The following ARAP2 variants were observed in gnomAD, a reference collection of about 807,000 sequenced individuals.
The protein encoded by ARAP2 is ArfGAP with RhoGAP domain, ankyrin repeat and PH domain 2.
In ARAP2, 148 loss-of-function variants were observed where a neutral mutation model predicts 194.5. That is an observed-to-expected ratio of 0.76 (90% CI 0.67 to 0.87). The LOEUF is 0.87. Among genes scored for constraint, ARAP2 ranks in the 40% least tolerant of loss-of-function variants. ARAP2 has a pLI of 0.00. For synonymous variants in ARAP2, 695 were observed against 683.5 expected (o/e 1.02, Z -0.26); for missense variants, 2,128 against 1,989.7 (o/e 1.07, Z -1.32).
intron 22 of ARAP2, among the ~76,000 whole-genome samples, chr4:36,121,588 T>A (rs1407823897): frequency 1.3e-5 from 2 of 151,764 alleles, no homozygotes; most frequent in African/African-American, 2.4e-5. Flanking sequence ...GGGCTGACCA[T>A]ATTCAAACAA....
intron 6 of ARAP2, among the ~76,000 whole-genome samples, chr4:36,194,184 T>C (rs987960051): frequency 3.3e-5 from 5 of 152,132 alleles, no homozygotes; most frequent in Non-Finnish European, 1.5e-5. Context: ...CAGTGAAAGA[T>C]TAGTATATTT....
At position 36,119,673 on chromosome 4, in the gene ARAP2, T is replaced by G; in HGVS notation, c.3940A>C (p.Ile1314Leu). Residue 1314 changes from isoleucine (I) to leucine (L), a missense_variant, in exon 24 of 33, where the codon ATT (isoleucine) becomes CTT (leucine). Ile to Leu is a conservative substitution (Grantham distance 5). Transcript: ENST00000303965. ...ACTTGGGTGTCTTTCCACTTGGTAA[T>G]AAAGCTATTTTCTATGTCCATTTGT... is the stretch of plus-strand genomic sequence containing the variant. ...VKQMDIENSF[I>L]TKWKDTQVSQ... 1 of 1,604,386 alleles carries G rather than the reference T, an allele frequency of 6.2e-7. No homozygotes were observed. Among genetic ancestry groups the G allele is most frequent in the Non-Finnish European group, 8.5e-7 (1 of 1,172,748 alleles).
At chr4:36,082,820 T>C (rs1729876932) in intron 29 of ARAP2, among the ~76,000 whole-genome samples, 1 of 152,138 alleles carries the variant, frequency 6.6e-6, no homozygotes, top group African/African-American at 2.4e-5. Context: ...AATCAAATGC[T>C]GGGGTACATG....
intron 27 of ARAP2, among the ~76,000 whole-genome samples, chr4:36,097,297 T>G (rs1287253249): frequency 1.3e-5 from 2 of 151,912 alleles, no homozygotes; most frequent in Non-Finnish European, 2.9e-5. Flanking sequence ...CAAAAAAAAC[T>G]TTGAAATATG....
At chr4:36,158,929 A>C (rs924612038) in intron 14 of ARAP2, 65 bp from the exon 15 acceptor site, 1 of 1,456,228 alleles carries the variant, frequency 6.9e-7, no homozygotes, top group Non-Finnish European at 9.3e-7. Context: ...TTTTGTTTAT[A>C]ATATGTACAT....
Position 36,187,498 on chromosome 4 carries a change from T to C in ARAP2, c.1631A>G (p.Glu544Gly). Reference protein sequence around the residue: ...TVRVQGDNKFEVVTTQRTFVF... With the variant: ...TVRVQGDNKFGVVTTQRTFVF... ...AAAAGTTCTTTGTGTTGTAACAACT[T>C]CAAATTTGTTGTCTCCTTGAACTCG... The change falls in exon 8 of 33, where the codon GAA becomes GGA. Residue 544 changes from glutamate (E) to glycine (G), a missense_variant. Glu to Gly is a moderately conservative substitution (Grantham distance 98, BLOSUM62 -2). Coordinates refer to ENST00000303965, the MANE Select transcript of ARAP2 (RefSeq NM_015230.4). The C allele has an allele frequency of 6.5e-7, 1 of 1,535,366 alleles. No homozygotes were observed. Among genetic ancestry groups the C allele is most frequent in the South Asian group, 1.3e-5 (1 of 78,852 alleles).
intron 13 of ARAP2, 38 bp from the exon 14 acceptor site, chr4:36,159,543 A>G: frequency 7.0e-7 from 1 of 1,429,968 alleles, no homozygotes; most frequent in Non-Finnish European, 9.3e-7. Context: ...TAAGGAAAGA[A>G]AATAAGATTC....
intron 19 of ARAP2, among the ~76,000 whole-genome samples, chr4:36,136,783 ATGTGTGTG>A (rs772565955): frequency 7.0e-5 from 10 of 143,800 alleles, no homozygotes; most frequent in South Asian, 2.2e-4. Flanking sequence ...AATCAAATAT[ATGTGTGTG>A]TGTGTGTGTG....
chr4:36,063,505 C>T (rs142737868), downstream of ARAP2, among the ~76,000 whole-genome samples: 610 of 151,962 alleles, frequency 4.0e-3, 4 homozygotes, highest in African/African-American at 0.014. Flanking sequence ...GTGACCTGAC[C>T]ATGGACGAAG....
intron 6 of ARAP2, among the ~76,000 whole-genome samples, chr4:36,210,074 T>C (rs1468910143): frequency 6.6e-6 from 1 of 152,200 alleles, no homozygotes; most frequent in Non-Finnish European, 1.5e-5. Context: ...TTTTTCTTTG[T>C]TACATACTGG....
intron 5 of ARAP2, among the ~76,000 whole-genome samples, chr4:36,033,996 A>G (rs1719463074): frequency 6.6e-6 from 1 of 151,576 alleles, no homozygotes; most frequent in African/African-American, 2.4e-5. Flanking sequence ...ATTCTCTTCC[A>G]TTGGTCTATA....
At chr4:36,191,430 T>A (rs546122971) in intron 7 of ARAP2, among the ~76,000 whole-genome samples, 3 of 151,080 alleles carry the variant, frequency 2.0e-5, no homozygotes, top group Non-Finnish European at 4.4e-5. Context: ...AAAAAATAAT[T>A]CCCCAGAGGT....
chr4:36,014,310 GA>G (rs1414967994), intron 8 of ARAP2, among the ~76,000 whole-genome samples: 11 of 66,784 alleles, frequency 1.6e-4, no homozygotes, highest in African/African-American at 6.4e-4. Flanking sequence ...GAGAAGGAAG[GA>G]AAGAAAGAAA....
chr4:36,220,382 C>T (rs145768867), intron 2 of ARAP2, among the ~76,000 whole-genome samples: 19 of 152,216 alleles, frequency 1.2e-4, no homozygotes, highest in African/African-American at 4.1e-4. Flanking sequence ...CAGTACAACA[C>T]GTTATTCATG....
At chr4:36,059,847 G>C (rs182384599) in intron 1 of ARAP2, among the ~76,000 whole-genome samples, 3 of 152,140 alleles carry the variant, frequency 2.0e-5, no homozygotes, top group Non-Finnish European at 2.9e-5. Flanking sequence ...GGTCATTACA[G>C]TCATGAATAA....
chr4:36,231,527 T>C lies in ARAP2; in HGVS notation c.-159-1882A>G, dbSNP rs193002240. 2.5e-3 allele frequency among the ~76,000 whole-genome samples: 388 copies of C among 152,290 alleles called. 2 individuals carry two copies. Among genetic ancestry groups the C allele is most frequent in the African/African-American group, 9.1e-3 (377 of 41,560 alleles). ...CTACCAATGGAACAATAAGTGGACATAATGTATTCAGCCACTTTAGAATTT... is the reference window on the plus strand; with the variant it reads ...CTACCAATGGAACAATAAGTGGACACAATGTATTCAGCCACTTTAGAATTT... On this transcript the variant is annotated intron_variant, in intron 1 of 32. Coordinates refer to ENST00000303965, the MANE Select transcript of ARAP2 (RefSeq NM_015230.4).
chr4:36,183,257 A>AG (rs947066573), intron 8 of ARAP2, among the ~76,000 whole-genome samples: 1 of 150,420 alleles, frequency 6.6e-6, no homozygotes, highest in African/African-American at 2.4e-5. Context: ...AGAAAAACTA[A>AG]GGGGGGCATT....
chr4:36,078,364 T>A (rs967866498), intron 31 of ARAP2, among the ~76,000 whole-genome samples: 2 of 152,118 alleles, frequency 1.3e-5, no homozygotes, highest in Non-Finnish European at 2.9e-5. Context: ...GAAGTCTAGA[T>A]GACTTCTGAG....
At chr4:36,111,602 A>C (rs1173183816) in intron 26 of ARAP2, among the ~76,000 whole-genome samples, 1 of 152,036 alleles carries the variant, frequency 6.6e-6, no homozygotes, top group African/African-American at 2.4e-5. Flanking sequence ...CTTGGCATAA[A>C]GACAACTTTA....
Sources: gnomAD v4.1 joint callset for allele counts (sites outside exome capture counted in the v4.1 genomes callset) on GRCh38, gnomAD v4.1.1 for gene constraint, MANE v1.5 for transcripts, NCBI Gene and HGNC (gene_info 2026-07-23, HGNC 2026-07-21) for gene names.